Variants in TTC29 observed in about 807,000 individuals in gnomAD.
The protein encoded by TTC29 is tetratricopeptide repeat protein 29.
TTC29 carries 49 observed loss-of-function variants against 58.1 expected under a neutral mutation model. The ratio of observed to expected loss-of-function variants is 0.84; its 90% confidence interval spans 0.67 to 1.07. The LOEUF (loss-of-function observed/expected upper bound fraction) is 1.07, where lower values mean the gene tolerates loss of function less well. Among genes scored for constraint, TTC29 ranks in the 50% least tolerant of loss-of-function variants. The pLI, the probability that TTC29 is intolerant of heterozygous loss-of-function variation, is 0.00. For synonymous variants in TTC29, 209 were observed against 196.8 expected (o/e 1.06, Z -0.52); for missense variants, 582 against 555.6 (o/e 1.05, Z -0.48).
chr4:146,786,281 C>T (rs1749008844), intron 11 of TTC29, among the ~76,000 whole-genome samples: 1 of 152,194 alleles, frequency 6.6e-6, no homozygotes, highest in Non-Finnish European at 1.5e-5. Flanking sequence ...ACCGTTTGTT[C>T]TCTAAAAGAC....
intron 7 of TTC29, among the ~76,000 whole-genome samples, chr4:146,868,838 C>T (rs1730736787): frequency 6.6e-6 from 1 of 151,978 alleles, no homozygotes; most frequent in South Asian, 2.1e-4. Flanking sequence ...GAGGTGGTGC[C>T]TGTGGAAGGT....
intron 4 of TTC29, among the ~76,000 whole-genome samples, chr4:146,930,259 T>A (rs1212264497): frequency 6.6e-6 from 1 of 151,596 alleles, no homozygotes; most frequent in African/African-American, 2.4e-5. Context: ...AGGAAAAGCA[T>A]CTCCTACAAA....
Position 146,728,834 on chromosome 4 carries a change from TAC to T in TTC29, c.1331-21285_1331-21284del, listed in dbSNP as rs1405916271. Among the ~76,000 whole-genome samples, 30 of 108,408 alleles carry T rather than the reference TAC, an allele frequency of 2.8e-4. 7 individuals are homozygous for T. Among genetic ancestry groups the T allele is most frequent in the East Asian group, 2.3e-3 (8 of 3,540 alleles). The allele number at this position is 108,408 out of a possible 152,430, so 71.1% of individuals were successfully genotyped here. On this transcript the variant is annotated intron_variant, in intron 11 of 12. Coordinates refer to ENST00000325106, the MANE Select transcript of TTC29 (RefSeq NM_031956.4). ...ATATATGTGTATATATACATATATA[TAC>T]ACATATATATGTATATATATACACA...
chr4:146,928,588 T>A (rs1053121885), intron 4 of TTC29, among the ~76,000 whole-genome samples: 5 of 152,312 alleles, frequency 3.3e-5, no homozygotes, highest in Non-Finnish European at 7.4e-5. Context: ...TGCTGGAGAC[T>A]CAGCAGTGAA....
chr4:146,857,446 G>A (rs2150193390), intron 8 of TTC29, among the ~76,000 whole-genome samples: 1 of 152,270 alleles, frequency 6.6e-6, no homozygotes, highest in Admixed American at 6.5e-5. Context: ...AAACTCTGAT[G>A]TAAAGCAGGA....
At chr4:146,825,266 G>T (rs1306406197) in intron 9 of TTC29, among the ~76,000 whole-genome samples, 2 of 152,112 alleles carry the variant, frequency 1.3e-5, no homozygotes, top group Non-Finnish European at 2.9e-5. Context: ...TTTTAACACT[G>T]CTTTAGCTGT....
intron 11 of TTC29, among the ~76,000 whole-genome samples, chr4:146,735,327 C>T (rs941095116): frequency 5.9e-5 from 9 of 152,070 alleles, no homozygotes; most frequent in Admixed American, 2.0e-4. Context: ...TCTATTTTGT[C>T]GATGGGCATC....
intron 5 of TTC29, among the ~76,000 whole-genome samples, chr4:146,907,495 T>C (rs1287902736): frequency 6.6e-6 from 1 of 152,078 alleles, no homozygotes; most frequent in Non-Finnish European, 1.5e-5. Flanking sequence ...TTGTTTTGTT[T>C]TGTTTTGTTT....
intron 11 of TTC29, among the ~76,000 whole-genome samples, chr4:146,770,168 A>G (rs1278380974): frequency 2.0e-5 from 3 of 151,932 alleles, no homozygotes; most frequent in Admixed American, 2.0e-4. Context: ...TTTAAATCCA[A>G]ATCCCTGGTG....
chr4:146,828,630 G>T (rs891731837), intron 9 of TTC29, among the ~76,000 whole-genome samples: 8 of 151,706 alleles, frequency 5.3e-5, no homozygotes, highest in Admixed American at 3.3e-4. Flanking sequence ...TACAAACAAA[G>T]AAACAAGCAA....
At chr4:146,926,630 T>G (rs1344413251) in intron 4 of TTC29, among the ~76,000 whole-genome samples, 1 of 152,014 alleles carries the variant, frequency 6.6e-6, no homozygotes, top group African/African-American at 2.4e-5. Flanking sequence ...GCCTGGCTAA[T>G]TTTTACATTT....
At chr4:146,802,486 T>A (rs1750300807) in intron 11 of TTC29, among the ~76,000 whole-genome samples, 1 of 152,252 alleles carries the variant, frequency 6.6e-6, no homozygotes, top group African/African-American at 2.4e-5. Context: ...CTCTTTTTTA[T>A]AACTAGAGGA....
At chr4:146,848,219 C>G (rs1391280316) in intron 8 of TTC29, among the ~76,000 whole-genome samples, 1 of 152,184 alleles carries the variant, frequency 6.6e-6, no homozygotes, top group Non-Finnish European at 1.5e-5. Context: ...TCACCTCAGC[C>G]TATGCAAAGA....
At chr4:146,865,685 G>A (rs1730519053) in intron 8 of TTC29, among the ~76,000 whole-genome samples, 3 of 152,094 alleles carry the variant, frequency 2.0e-5, no homozygotes, top group African/African-American at 4.8e-5. Context: ...TAAATACAAT[G>A]AGACTCGTCT....
intron 7 of TTC29, among the ~76,000 whole-genome samples, chr4:146,869,104 A>G (rs1391054457): frequency 6.6e-6 from 1 of 151,696 alleles, no homozygotes; most frequent in Non-Finnish European, 1.5e-5. Context: ...AAGTAAAAAA[A>G]AAAAAAAAAA....
chr4:146,780,508 T>C (rs1033277435), intron 11 of TTC29, among the ~76,000 whole-genome samples: 8 of 152,016 alleles, frequency 5.3e-5, no homozygotes, highest in Non-Finnish European at 8.8e-5. Context: ...ATGTGTCCTG[T>C]TTGGGCAAAT....
intron 11 of TTC29, among the ~76,000 whole-genome samples, chr4:146,793,418 G>C (rs1329155317): frequency 6.6e-6 from 1 of 152,144 alleles, no homozygotes; most frequent in Non-Finnish European, 1.5e-5. Context: ...CTTGCCGTAG[G>C]CTCAGATGAC....
At chr4:146,716,541 C>T (rs1042534318) in intron 11 of TTC29, among the ~76,000 whole-genome samples, 3 of 152,122 alleles carry the variant, frequency 2.0e-5, no homozygotes, top group African/African-American at 7.2e-5. Flanking sequence ...ATGCTGTAAA[C>T]ACATCCATCA....
chr4:146,757,097 T>C (rs1746508259), intron 11 of TTC29, among the ~76,000 whole-genome samples: 1 of 152,146 alleles, frequency 6.6e-6, no homozygotes, highest in Admixed American at 6.5e-5. Flanking sequence ...TGGGGGGTGT[T>C]GAAGAGCCTT....
Sources: gnomAD v4.1 joint callset for allele counts (sites outside exome capture counted in the v4.1 genomes callset) on GRCh38, gnomAD v4.1.1 for gene constraint, MANE v1.5 for transcripts, NCBI Gene and HGNC (gene_info 2026-07-23, HGNC 2026-07-21) for gene names.